Variants in USP40 observed in about 807,000 individuals in gnomAD.
USP40 encodes the protein ubiquitin carboxyl-terminal hydrolase 40.
A neutral mutation model predicts 166.2 loss-of-function variants in USP40; 143 were observed. The observed-to-expected ratio is 0.86, with a 90% CI of 0.75 to 0.99. The LOEUF (loss-of-function observed/expected upper bound fraction) is 0.99, where lower values mean the gene tolerates loss of function less well. Among genes scored for constraint, USP40 ranks in the 50% least tolerant of loss-of-function variants. The probability of loss-of-function intolerance (pLI) is 0.00; values close to 1 mark genes in which losing one functional copy is unlikely to be tolerated. For synonymous variants in USP40, 498 were observed against 524.0 expected (o/e 0.95, Z 0.68); for missense variants, 1,444 against 1,479.7 (o/e 0.98, Z 0.40).
At chr2:233,563,785 G>C (rs1040362501) in intron 2 of USP40, among the ~76,000 whole-genome samples, 2 of 152,148 alleles carry the variant, frequency 1.3e-5, no homozygotes, top group Non-Finnish European at 2.9e-5. Context: ...TATACAAGCA[G>C]TGCACATTGT....
At chr2:233,554,246 A>C in intron 6 of USP40, 134 bp downstream of exon 6, 1 of 953,818 alleles carries the variant, frequency 1.0e-6, no homozygotes. Flanking sequence ...ATTAAAATAC[A>C]GAAAATGATG....
Position 233,485,761 on chromosome 2 carries a change from CT to C in USP40, c.3408+5del, listed in dbSNP as rs757397104. On this transcript the variant is annotated splice_donor_5th_base_variant and intron_variant, in intron 29 of 31. Coordinates refer to ENST00000678225, the MANE Select transcript of USP40 (RefSeq NM_001365479.2). Reference sequence around the variant, plus strand: ...CAATTTCTCTGAGACAGCCCCACAACTTTACCCAGCTAGATATCGGAAGCCA... The same window carrying C: ...CAATTTCTCTGAGACAGCCCCACAACTTACCCAGCTAGATATCGGAAGCCA... 1.9e-6 allele frequency: 3 copies of C among 1,612,900 alleles called. No homozygotes were observed. In the South Asian group the frequency reaches 3.3e-5, roughly 18 times the overall value.
chr2:233,524,036 G>A (rs1014271961), intron 15 of USP40, among the ~76,000 whole-genome samples: 2 of 152,164 alleles, frequency 1.3e-5, no homozygotes, highest in Non-Finnish European at 2.9e-5. Context: ...TCTCCTTGGC[G>A]TACAACTAGC....
At chr2:233,563,063 A>T (rs1435284421) in intron 2 of USP40, among the ~76,000 whole-genome samples, 1 of 152,212 alleles carries the variant, frequency 6.6e-6, no homozygotes, top group Non-Finnish European at 1.5e-5. Context: ...AACTAAAAAC[A>T]GTAACATCAG....
intron 12 of USP40, among the ~76,000 whole-genome samples, chr2:233,528,055 T>C (rs1205769350): frequency 2.0e-5 from 3 of 151,460 alleles, no homozygotes; most frequent in African/African-American, 7.3e-5. Flanking sequence ...CTTGGCTCAC[T>C]ACAACCTCTA....
intron 10 of USP40, among the ~76,000 whole-genome samples, chr2:233,537,023 A>G (rs532955633): frequency 6.6e-6 from 1 of 152,008 alleles, no homozygotes; most frequent in South Asian, 2.1e-4. Flanking sequence ...AGCTGGGATT[A>G]CATGTGCGCA....
intron 18 of USP40, among the ~76,000 whole-genome samples, chr2:233,516,353 G>C (rs571803004): frequency 5.3e-5 from 8 of 151,958 alleles, no homozygotes; most frequent in Non-Finnish European, 8.8e-5. Context: ...TTCTGTGTAA[G>C]AATATATTAA....
intron 6 of USP40, among the ~76,000 whole-genome samples, chr2:233,552,399 T>A (rs1275774391): frequency 1.3e-5 from 2 of 152,114 alleles, no homozygotes; most frequent in Admixed American, 1.3e-4. Flanking sequence ...AAACTTAGAA[T>A]GCAACAAATC....
chr2:233,497,183 C>A (rs1290119279), intron 23 of USP40, among the ~76,000 whole-genome samples: 1 of 152,106 alleles, frequency 6.6e-6, no homozygotes, highest in East Asian at 1.9e-4. Context: ...AAAAAAAGGA[C>A]AAGGGCTAAG....
At chr2:233,511,881 G>A in intron 19 of USP40, 84 bp from the exon 20 acceptor site, 1 of 1,102,060 alleles carries the variant, frequency 9.1e-7, no homozygotes, top group Non-Finnish European at 1.3e-6. Flanking sequence ...GTATTTCTTT[G>A]AAAATCAAGA....
rs141571693 is a variant in USP40, at chr2:233,481,964, G to T, written c.3505-667C>A. On this transcript the variant is annotated intron_variant, in intron 30 of 31. Transcript: ENST00000678225. Reference sequence around the variant, plus strand: ...AAAGACACAGCGCAGGGTCTGCGGGGTTCGTGCTGGGGGTTGCCCAGGTCG... The same window carrying T: ...AAAGACACAGCGCAGGGTCTGCGGGTTTCGTGCTGGGGGTTGCCCAGGTCG... Among the ~76,000 whole-genome samples, 1,481 of 152,334 alleles carry T rather than the reference G, an allele frequency of 9.7e-3. 13 individuals are homozygous for T. The highest frequency in any genetic ancestry group is 0.015 in the Non-Finnish European group (1,010 of 68,034).
intron 30 of USP40, among the ~76,000 whole-genome samples, chr2:233,482,304 C>T (rs1438584162): frequency 3.3e-5 from 5 of 151,082 alleles, no homozygotes; most frequent in Admixed American, 3.3e-4. Context: ...GTGGAGGTTC[C>T]AGTGAGTCAA....
intron 25 of USP40, among the ~76,000 whole-genome samples, chr2:233,491,977 T>G (rs949357494): frequency 6.6e-6 from 1 of 152,214 alleles, no homozygotes; most frequent in Non-Finnish European, 1.5e-5. Context: ...GTCAACTAAG[T>G]GCATGAGAAG....
At chr2:233,477,567 C>T (rs2125005845) in intron 31 of USP40, 64 bp from the exon 32 acceptor site, 5 of 1,384,186 alleles carry the variant, frequency 3.6e-6, no homozygotes, top group East Asian at 2.3e-5. Context: ...GAGGGGTTCA[C>T]GAAGACCCCA....
intron 31 of USP40, 38 bp downstream of exon 31, chr2:233,481,165 T>C (rs768851397): frequency 1.0e-5 from 16 of 1,542,496 alleles, no homozygotes; most frequent in Non-Finnish European, 1.3e-5. Context: ...CAGAGAGGGC[T>C]CTGTCAGCTG....
intron 8 of USP40, among the ~76,000 whole-genome samples, chr2:233,543,551 G>A (rs541750522): frequency 2.2e-4 from 33 of 152,318 alleles, no homozygotes; most frequent in African/African-American, 7.5e-4. Context: ...GTCTTCAGGA[G>A]ATAATTAGGT....
At chr2:233,483,480 G>C (rs2064758287) in intron 30 of USP40, among the ~76,000 whole-genome samples, 1 of 152,186 alleles carries the variant, frequency 6.6e-6, no homozygotes, top group Non-Finnish European at 1.5e-5. Context: ...GACGGAGTGA[G>C]ACCCCATCTC....
intron 28 of USP40, among the ~76,000 whole-genome samples, chr2:233,487,287 C>T (rs1176344379): frequency 6.6e-6 from 1 of 152,184 alleles, no homozygotes; most frequent in African/African-American, 2.4e-5. Flanking sequence ...ACAAGATAAT[C>T]ATCTTTCATT....
chr2:233,502,029 G>A (rs185544524), intron 21 of USP40, among the ~76,000 whole-genome samples: 10 of 152,276 alleles, frequency 6.6e-5, no homozygotes, highest in South Asian at 6.2e-4. Flanking sequence ...CAGGTACATC[G>A]AATGTTGGTG....
Sources: gnomAD v4.1 joint callset for allele counts (sites outside exome capture counted in the v4.1 genomes callset) on GRCh38, gnomAD v4.1.1 for gene constraint, MANE v1.5 for transcripts, NCBI Gene and HGNC (gene_info 2026-07-23, HGNC 2026-07-21) for gene names.